Variants in FBXW7 observed in about 807,000 individuals in gnomAD.
FBXW7 encodes the protein F-box/WD repeat-containing protein 7.
Under a neutral mutation model 86.3 loss-of-function variants are expected in FBXW7, and 11 were observed. That is an observed-to-expected ratio of 0.13 (90% CI 0.08 to 0.21). The LOEUF is 0.21. Ranked by LOEUF, FBXW7 falls within the 10% of genes least tolerant of loss-of-function variation. The probability of loss-of-function intolerance (pLI) is 1.00; values close to 1 mark genes in which losing one functional copy is unlikely to be tolerated. For missense variants in FBXW7, 488 were observed against 847.4 expected (o/e 0.58, Z 5.27); for synonymous variants, 313 against 297.9 (o/e 1.05, Z -0.52).
intron 2 of FBXW7, among the ~76,000 whole-genome samples, chr4:152,531,942 T>C (rs1315342345): frequency 6.6e-6 from 1 of 152,120 alleles, no homozygotes; most frequent in Non-Finnish European, 1.5e-5. Context: ...CTGGTGGCCA[T>C]GTTTAAAGCC....
chr4:152,367,990 GA>G (rs1733655193), intron 4 of FBXW7, among the ~76,000 whole-genome samples: 1 of 151,782 alleles, frequency 6.6e-6, no homozygotes, highest in Non-Finnish European at 1.5e-5. Flanking sequence ...TTTTTTGTAA[GA>G]GTCGATTAAT....
chr4:152,499,911 C>A (rs1216226212), intron 2 of FBXW7, among the ~76,000 whole-genome samples: 1 of 151,948 alleles, frequency 6.6e-6, no homozygotes, highest in Non-Finnish European at 1.5e-5. Flanking sequence ...TTAGTCACAG[C>A]CAAAAAGAAT....
At chr4:152,507,318 TATATC>T (rs1401938768) in intron 2 of FBXW7, among the ~76,000 whole-genome samples, 1 of 152,232 alleles carries the variant, frequency 6.6e-6, no homozygotes, top group Non-Finnish European at 1.5e-5. Flanking sequence ...TAAACATTCC[TATATC>T]ATATAATATT....
chr4:152,536,052 C>A lies in FBXW7; in HGVS notation c.-1138G>T. The stretch of plus-strand genomic sequence containing the variant: ...CAGCGCCCGGAGCTCAGCTCGCTGT[C>A]TCCCTCGCTCTGTGCGGGGCTCTCG... On this transcript the variant is annotated 5_prime_UTR_variant, in exon 1 of 14. Coordinates refer to ENST00000281708, the MANE Select transcript of FBXW7 (RefSeq NM_001349798.2). The A allele has an allele frequency of 5.0e-6, 1 of 198,402 alleles. No individual in the cohort carries two copies. Among genetic ancestry groups the A allele is most frequent in the Non-Finnish European group, 1.0e-5 (1 of 98,072 alleles). The allele number at this position is 198,402 out of a possible 1,614,324, so 12.3% of individuals were successfully genotyped here.
intron 4 of FBXW7, among the ~76,000 whole-genome samples, chr4:152,389,615 T>G (rs1057213539): frequency 7.2e-5 from 11 of 151,994 alleles, no homozygotes; most frequent in Non-Finnish European, 1.5e-4. Context: ...AAGGGTGACA[T>G]GCAGGGAGGA....
intron 8 of FBXW7, among the ~76,000 whole-genome samples, chr4:152,332,277 A>G (rs1170150609): frequency 6.6e-6 from 1 of 152,118 alleles, no homozygotes; most frequent in Admixed American, 6.6e-5. Flanking sequence ...ACATTTATGA[A>G]AAGAATGAAT....
chr4:152,332,420 G>C (rs1316792681), intron 8 of FBXW7, among the ~76,000 whole-genome samples, 176 bp downstream of exon 8: 1 of 152,098 alleles, frequency 6.6e-6, no homozygotes, highest in East Asian at 1.9e-4. Context: ...TTTGCTATTA[G>C]TTATATTGCT....
intron 4 of FBXW7, among the ~76,000 whole-genome samples, chr4:152,368,933 G>C (rs72721605): frequency 1.3e-5 from 2 of 151,978 alleles, no homozygotes; most frequent in Non-Finnish European, 2.9e-5. Context: ...CGCACTGAAT[G>C]AATCTACATA....
chr4:152,499,390 A>G (rs936960667), intron 2 of FBXW7, among the ~76,000 whole-genome samples: 1 of 152,188 alleles, frequency 6.6e-6, no homozygotes, highest in Non-Finnish European at 1.5e-5. Flanking sequence ...TGACTCTATA[A>G]AACATGAACA....
chr4:152,368,389 G>T (rs2126726254), intron 4 of FBXW7, among the ~76,000 whole-genome samples: 1 of 152,122 alleles, frequency 6.6e-6, no homozygotes, highest in African/African-American at 2.4e-5. Context: ...TATGTGTGTG[G>T]GATGCCCGTG....
chr4:152,337,246 G>A (rs1440486054), intron 7 of FBXW7, among the ~76,000 whole-genome samples: 2 of 151,852 alleles, frequency 1.3e-5, no homozygotes, highest in Admixed American at 1.3e-4. Flanking sequence ...CTGTATTTGT[G>A]TAATGGAGAT....
chr4:152,462,733 A>G (rs990354250), intron 2 of FBXW7, among the ~76,000 whole-genome samples: 1 of 152,194 alleles, frequency 6.6e-6, no homozygotes, highest in Non-Finnish European at 1.5e-5. Flanking sequence ...CAGATCTTAT[A>G]ATTGTTAGCT....
chr4:152,464,319 G>A (rs968612933), intron 2 of FBXW7, among the ~76,000 whole-genome samples: 3 of 152,044 alleles, frequency 2.0e-5, no homozygotes, highest in African/African-American at 7.2e-5. Flanking sequence ...GCATTAAGAG[G>A]AAGAAAAATA....
intron 4 of FBXW7, among the ~76,000 whole-genome samples, chr4:152,385,967 G>A (rs1003985628): frequency 2.0e-5 from 3 of 151,722 alleles, no homozygotes; most frequent in African/African-American, 7.3e-5. Flanking sequence ...TTTCTAATGC[G>A]ATATTCCCAA....
At chr4:152,425,979 C>T (rs1739349655) in intron 2 of FBXW7, among the ~76,000 whole-genome samples, 1 of 152,100 alleles carries the variant, frequency 6.6e-6, no homozygotes, top group Admixed American at 6.5e-5. Context: ...AGCAGGATCC[C>T]CACCCCTGCC....
chr4:152,375,956 G>T (rs1460915573), intron 4 of FBXW7, among the ~76,000 whole-genome samples: 2 of 151,982 alleles, frequency 1.3e-5, no homozygotes, highest in African/African-American at 2.4e-5. Context: ...GAGAAATTAC[G>T]ATATATTTAT....
chr4:152,407,308 C>CA (rs1347079058), intron 4 of FBXW7, among the ~76,000 whole-genome samples: 1 of 152,160 alleles, frequency 6.6e-6, no homozygotes, highest in East Asian at 1.9e-4. Flanking sequence ...TCCTCCTTCA[C>CA]AAAGGTAGGG....
At chr4:152,326,395 T>G (rs890085541) in intron 11 of FBXW7, among the ~76,000 whole-genome samples, 164 bp from the exon 12 acceptor site, 13 of 151,220 alleles carry the variant, frequency 8.6e-5, no homozygotes, top group Admixed American at 7.9e-4. Flanking sequence ...ATGTAAAACC[T>G]TGGTATATAA....
chr4:152,498,237 A>G (rs1746558080), intron 2 of FBXW7, among the ~76,000 whole-genome samples: 1 of 152,194 alleles, frequency 6.6e-6, no homozygotes, highest in Non-Finnish European at 1.5e-5. Flanking sequence ...AAGAAATTGC[A>G]GAGGGCACAA....
Sources: gnomAD v4.1 joint callset for allele counts (sites outside exome capture counted in the v4.1 genomes callset) on GRCh38, gnomAD v4.1.1 for gene constraint, MANE v1.5 for transcripts, NCBI Gene and HGNC (gene_info 2026-07-23, HGNC 2026-07-21) for gene names.